WWOX: variants seen among roughly 807,000 people sequenced by gnomAD.
WWOX encodes the protein WW domain-containing oxidoreductase.
In WWOX, 69 loss-of-function variants were observed where a neutral mutation model predicts 46.2. The observed-to-expected ratio is 1.49, with a 90% CI of 1.23 to 1.82. WWOX has a LOEUF of 1.82. Ranked by LOEUF, WWOX falls within the 40% of genes most tolerant of loss-of-function variation. The probability of loss-of-function intolerance (pLI) is 0.00; values close to 1 mark genes in which losing one functional copy is unlikely to be tolerated. For synonymous variants in WWOX, 359 were observed against 202.6 expected, an observed-to-expected ratio of 1.77 and a Z score of -6.56; for missense variants, 919 against 542.6, an observed-to-expected ratio of 1.69 and a Z score of -6.89.
chr16:78,857,196 C>A (rs1236753327), intron 8 of WWOX, among the ~76,000 whole-genome samples: 6 of 151,960 alleles, frequency 3.9e-5, no homozygotes, highest in Non-Finnish European at 8.8e-5. Context: ...TGTGAACCTC[C>A]TAATAGAAAA....
chr16:78,974,489 A>G (rs2046533177), intron 8 of WWOX, among the ~76,000 whole-genome samples: 1 of 152,202 alleles, frequency 6.6e-6, no homozygotes, highest in African/African-American at 2.4e-5. Context: ...AACCTGGCCT[A>G]GTTATGATGT....
intron 8 of WWOX, among the ~76,000 whole-genome samples, chr16:79,153,892 GT>G (rs1230714440): frequency 6.6e-6 from 1 of 152,110 alleles, no homozygotes; most frequent in African/African-American, 2.4e-5. Flanking sequence ...GGCCCCTAAG[GT>G]TTGAAAGCGT....
chr16:78,718,816 A>T (rs777439764), intron 8 of WWOX, among the ~76,000 whole-genome samples: 3 of 152,052 alleles, frequency 2.0e-5, no homozygotes, highest in Non-Finnish European at 4.4e-5. Flanking sequence ...GAATTATTCT[A>T]TTGGTTCCTT....
At chr16:78,394,029 C>G (rs963009219) in intron 6 of WWOX, among the ~76,000 whole-genome samples, 1 of 152,110 alleles carries the variant, frequency 6.6e-6, no homozygotes, top group Non-Finnish European at 1.5e-5. Context: ...TTTGCTGTCT[C>G]AAATCCATCT....
At position 78,207,496 on chromosome 16, in the gene WWOX, CT is replaced by C. The variant is rs556761067; in HGVS notation, c.516+43221del. On this transcript the variant is annotated intron_variant, in intron 5 of 8. Coordinates refer to ENST00000566780, the MANE Select transcript of WWOX (RefSeq NM_016373.4). ...TCAGCACTAAGTATTATCTCCCTTACTTTTTTTTTTTTTTGGTAATCTTTGT... is the reference window on the plus strand; with the variant it reads ...TCAGCACTAAGTATTATCTCCCTTACTTTTTTTTTTTTTGGTAATCTTTGT... 4.4e-3 allele frequency among the ~76,000 whole-genome samples: 630 copies of C among 142,220 alleles called. 1 individual carries two copies. The highest frequency in any genetic ancestry group is 0.011 in the African/African-American group (429 of 38,994). The allele number at this position is 142,220 out of a possible 152,430, so 93.3% of individuals were successfully genotyped here. A position where few individuals can be genotyped will look rare whatever the true frequency, so the allele number is the denominator to read the frequency against.
chr16:78,423,554 T>G (rs2083002228), intron 6 of WWOX, among the ~76,000 whole-genome samples: 2 of 152,170 alleles, frequency 1.3e-5, no homozygotes, highest in African/African-American at 4.8e-5. Context: ...CGTGAAAGCC[T>G]TACTTGTATT....
intron 8 of WWOX, among the ~76,000 whole-genome samples, chr16:79,181,405 A>G (rs1447549977): frequency 1.3e-5 from 2 of 152,154 alleles, no homozygotes; most frequent in African/African-American, 2.4e-5. Context: ...TGAATACTAC[A>G]GCAATATATG....
chr16:78,576,399 G>A (rs926241353), intron 8 of WWOX, among the ~76,000 whole-genome samples: 6 of 152,194 alleles, frequency 3.9e-5, no homozygotes, highest in African/African-American at 1.4e-4. Context: ...GCTATGATGT[G>A]TTTTCTCTTT....
intron 8 of WWOX, among the ~76,000 whole-genome samples, chr16:78,977,545 G>C (rs1475229552): frequency 6.6e-6 from 1 of 152,106 alleles, no homozygotes; most frequent in East Asian, 1.9e-4. Context: ...CCTTGTCTGG[G>C]GGAGTCGCTT....
intron 8 of WWOX, among the ~76,000 whole-genome samples, chr16:79,072,610 C>G (rs2048572308): frequency 6.6e-6 from 1 of 152,206 alleles, no homozygotes; most frequent in Admixed American, 6.5e-5. Flanking sequence ...TATTCAGTAT[C>G]ATTATCGAAG....
At chr16:78,260,593 G>A (rs111704294) in intron 5 of WWOX, among the ~76,000 whole-genome samples, 42 of 151,064 alleles carry the variant, frequency 2.8e-4, no homozygotes, top group African/African-American at 9.3e-4. Context: ...ACTTGAACCT[G>A]GGAGGTGGAG....
intron 8 of WWOX, among the ~76,000 whole-genome samples, chr16:78,629,996 C>A (rs898977464): frequency 1.3e-5 from 2 of 152,196 alleles, no homozygotes; most frequent in Admixed American, 1.3e-4. Context: ...CACTTCTCTT[C>A]CCTGCCTTCT....
At chr16:79,032,289 G>C (rs1161543842) in intron 8 of WWOX, among the ~76,000 whole-genome samples, 1 of 143,938 alleles carries the variant, frequency 6.9e-6, no homozygotes, top group African/African-American at 2.5e-5. Context: ...ATATATAATA[G>C]ACTCTATAAT....
At chr16:78,694,516 T>C (rs80318331) in intron 8 of WWOX, among the ~76,000 whole-genome samples, 1,950 of 152,270 alleles carry the variant, frequency 0.013, 18 homozygotes, top group South Asian at 0.035. Flanking sequence ...TGAAATTCAG[T>C]GCAAACCCAT....
intron 8 of WWOX, among the ~76,000 whole-genome samples, chr16:79,169,169 G>C (rs1347066874): frequency 6.6e-6 from 1 of 152,184 alleles, no homozygotes; most frequent in Non-Finnish European, 1.5e-5. Context: ...ACCAAGACTT[G>C]AAACATTAAA....
chr16:79,173,536 C>T (rs993724764), intron 8 of WWOX, among the ~76,000 whole-genome samples: 2 of 151,996 alleles, frequency 1.3e-5, no homozygotes, highest in Admixed American at 6.6e-5. Flanking sequence ...CTTGATAAGT[C>T]TTCAGCCACA....
intron 8 of WWOX, among the ~76,000 whole-genome samples, chr16:78,968,467 G>C (rs2046407200): frequency 6.6e-6 from 1 of 152,214 alleles, no homozygotes; most frequent in Non-Finnish European, 1.5e-5. Flanking sequence ...TGCAAAATGA[G>C]ATGGCAGTCT....
At chr16:78,397,706 G>A (rs2082320065) in intron 6 of WWOX, among the ~76,000 whole-genome samples, 1 of 152,196 alleles carries the variant, frequency 6.6e-6, no homozygotes, top group African/African-American at 2.4e-5. Flanking sequence ...GTCAGTTCAA[G>A]GTTGGAGGAG....
chr16:79,159,672 A>G (rs1224814653), intron 8 of WWOX, among the ~76,000 whole-genome samples: 2 of 152,192 alleles, frequency 1.3e-5, no homozygotes, highest in South Asian at 2.1e-4. Context: ...CATATTTAAC[A>G]AGCCACTGAG....
Sources: allele counts gnomAD v4.1 joint callset (sites outside exome capture counted in the v4.1 genomes callset), GRCh38; gene constraint gnomAD v4.1.1; transcripts MANE v1.5; gene names NCBI Gene and HGNC (gene_info 2026-07-23, HGNC 2026-07-21).